Variants in FNBP4 observed in about 807,000 individuals in gnomAD.
FNBP4 encodes formin binding protein 4.
A neutral mutation model predicts 119.3 loss-of-function variants in FNBP4; 34 were observed. That is an observed-to-expected ratio of 0.28 (90% CI 0.22 to 0.38). The LOEUF is 0.38. Among genes scored for constraint, FNBP4 ranks in the 10% least tolerant of loss-of-function variants. The probability of loss-of-function intolerance (pLI) is 1.00; values close to 1 mark genes in which losing one functional copy is unlikely to be tolerated. For missense variants in FNBP4, 1,112 were observed against 1,228.9 expected (o/e 0.90, Z 1.42); for synonymous variants, 462 against 430.6 (o/e 1.07, Z -0.90).
At chr11:47,759,725 G>A (rs1279181072) in intron 2 of FNBP4, among the ~76,000 whole-genome samples, 2 of 152,026 alleles carry the variant, frequency 1.3e-5, no homozygotes, top group African/African-American at 4.8e-5. Context: ...GGCCAAGGCG[G>A]GTGGATCACC....
chr11:47,752,553 A>C (rs888044592), intron 4 of FNBP4, among the ~76,000 whole-genome samples: 1 of 152,140 alleles, frequency 6.6e-6, no homozygotes, highest in Non-Finnish European at 1.5e-5. Context: ...TCACACCTGT[A>C]ATCCTAGCAC....
intron 1 of FNBP4, among the ~76,000 whole-genome samples, chr11:47,766,743 C>A (rs547830993): frequency 6.6e-6 from 1 of 152,400 alleles, no homozygotes; most frequent in East Asian, 1.9e-4. Flanking sequence ...GGAAACTCAT[C>A]CTCACATCCA....
intron 8 of FNBP4, 44 bp downstream of exon 8, chr11:47,743,908 CT>C: frequency 6.5e-7 from 1 of 1,542,518 alleles, no homozygotes; most frequent in Non-Finnish European, 9.0e-7. Context: ...TTTCCTTCCC[CT>C]CTATATCTTT....
At chr11:47,726,307 C>T (rs1168269361) in intron 12 of FNBP4, 1 of 152,026 alleles carries the variant, frequency 6.6e-6, no homozygotes, top group African/African-American at 2.4e-5. Flanking sequence ...GCGATCATAG[C>T]TCATTCTAAC....
intron 6 of FNBP4, among the ~76,000 whole-genome samples, chr11:47,748,697 T>G (rs1450158987): frequency 2.0e-5 from 3 of 152,088 alleles, no homozygotes; most frequent in Admixed American, 1.3e-4. Flanking sequence ...TCACCCAGGC[T>G]GGAGTGCAGT....
chr11:47,717,389 C>CAAT lies in FNBP4; in HGVS notation c.*30_*32dup. 1 of 1,438,346 alleles carries CAAT rather than the reference C, an allele frequency of 7.0e-7. No homozygotes were observed. Among genetic ancestry groups the CAAT allele is most frequent in the Non-Finnish European group, 9.7e-7 (1 of 1,031,168 alleles). 89.1% of individuals were successfully genotyped at this position (1,438,346 alleles called of 1,614,324 possible). A position where few individuals can be genotyped will look rare whatever the true frequency, so the allele number is the denominator to read the frequency against. On this transcript the variant is annotated 3_prime_UTR_variant, in exon 17 of 17. Coordinates refer to ENST00000263773, the MANE Select transcript of FNBP4 (RefSeq NM_015308.5). The stretch of plus-strand genomic sequence containing the variant: ...GACTTTGAACTGAACACAAAACAAA[C>CAAT]AATAATACAAAAAAGTTTTAAAAAC...
Position 47,750,997 on chromosome 11 carries a change from T to C in FNBP4, c.825A>G (p.Thr275=), listed in dbSNP as rs1189219001. The C allele has an allele frequency of 1.9e-6, 3 of 1,614,090 alleles. No individual in the cohort carries two copies. In the Admixed American group the frequency reaches 5.0e-5, roughly 27 times the overall value. ...TCGTTTTCTCCTTAGAATATATGTC[T>C]GTATTTACCACAAAACTAGTTTCAG... ...PGAETSFVVN[T]DIYSKEKTIS... is the part of the protein sequence containing the mutation. The change falls in exon 6 of 17, where the codon ACA becomes ACG. Residue 275 remains threonine, a synonymous_variant. Coordinates refer to ENST00000263773, the MANE Select transcript of FNBP4 (RefSeq NM_015308.5).
At chr11:47,761,218 T>C (rs1399676543) in intron 2 of FNBP4, among the ~76,000 whole-genome samples, 2 of 152,070 alleles carry the variant, frequency 1.3e-5, no homozygotes, top group Admixed American at 6.6e-5. Context: ...GAAAATACAG[T>C]GTATATACTG....
At chr11:47,765,767 A>G (rs1339275934) in intron 1 of FNBP4, among the ~76,000 whole-genome samples, 1 of 151,726 alleles carries the variant, frequency 6.6e-6, no homozygotes, top group African/African-American at 2.4e-5. Context: ...AGCCTGGGCC[A>G]CAGAGGAAGA....
chr11:47,733,797 T>A (rs1030645113), intron 10 of FNBP4, among the ~76,000 whole-genome samples: 4 of 152,194 alleles, frequency 2.6e-5, no homozygotes, highest in Non-Finnish European at 4.4e-5. Flanking sequence ...CAACATTACA[T>A]GGCCTCATCT....
At chr11:47,756,618 C>T (rs2097619045) in intron 2 of FNBP4, among the ~76,000 whole-genome samples, 1 of 152,002 alleles carries the variant, frequency 6.6e-6, no homozygotes, top group Admixed American at 6.6e-5. Flanking sequence ...CATATGTATA[C>T]ATGTACTATG....
chr11:47,736,310 A>C (rs1005653800), intron 9 of FNBP4, among the ~76,000 whole-genome samples: 3 of 151,694 alleles, frequency 2.0e-5, no homozygotes, highest in Admixed American at 6.6e-5. Flanking sequence ...TAATCCCAGC[A>C]CTTTGGGAGG....
intron 12 of FNBP4, 99 bp from the exon 13 acceptor site, chr11:47,724,877 G>A: frequency 2.1e-6 from 3 of 1,448,308 alleles, no homozygotes; most frequent in Non-Finnish European, 2.7e-6. Context: ...ATCATTTATA[G>A]GAACCTAGCA....
chr11:47,743,930 G>A (rs1274672136), intron 8 of FNBP4, 23 bp downstream of exon 8: 11 of 1,605,100 alleles, frequency 6.9e-6, no homozygotes, highest in Non-Finnish European at 7.7e-6. Context: ...CAACTCTGAA[G>A]TTTAATGTGA....
chr11:47,749,399 T>C (rs556507367), intron 6 of FNBP4, among the ~76,000 whole-genome samples: 2 of 150,398 alleles, frequency 1.3e-5, no homozygotes, highest in Non-Finnish European at 3.0e-5. Flanking sequence ...TCGTCTCTAC[T>C]AAAAAAAAAT....
chr11:47,765,428 G>C (rs928097306), intron 1 of FNBP4, 66 bp from the exon 2 acceptor site: 1 of 814,864 alleles, frequency 1.2e-6, no homozygotes, highest in Non-Finnish European at 1.8e-6. Flanking sequence ...ACTGCAGTCA[G>C]ATTCCAGACC....
chr11:47,742,964 T>C (rs893110012), intron 8 of FNBP4, among the ~76,000 whole-genome samples: 1 of 147,644 alleles, frequency 6.8e-6, no homozygotes, highest in African/African-American at 2.5e-5. Flanking sequence ...TGTATTGTTG[T>C]TTTTTTTTTG....
chr11:47,738,847 A>ATTTTTTTT lies in FNBP4; in HGVS notation c.1457-2115_1457-2108dup, dbSNP rs71045510. 4.2e-3 allele frequency among the ~76,000 whole-genome samples: 462 copies of ATTTTTTTT among 110,892 alleles called. 55 individuals are homozygous for ATTTTTTTT. The highest frequency in any genetic ancestry group is 6.7e-3 in the Non-Finnish European group (349 of 52,454). The allele number at this position is 110,892 out of a possible 152,430, so 72.7% of individuals were successfully genotyped here. On this transcript the variant is annotated intron_variant, in intron 8 of 16. Coordinates refer to ENST00000263773, the MANE Select transcript of FNBP4 (RefSeq NM_015308.5). ...AGGTGTTTGCCACCATGCCCAGGTA[A>ATTTTTTTT]TTTTTTTTTTTTTTTTTTTTTTTTT... is the stretch of plus-strand genomic sequence containing the variant.
chr11:47,764,009 G>C (rs951398014), intron 2 of FNBP4, among the ~76,000 whole-genome samples: 1 of 152,204 alleles, frequency 6.6e-6, no homozygotes, highest in African/African-American at 2.4e-5. Flanking sequence ...CAGTGCAACA[G>C]TGTTGGGAGG....
Sources: allele counts gnomAD v4.1 joint callset (sites outside exome capture counted in the v4.1 genomes callset), GRCh38; gene constraint gnomAD v4.1.1; transcripts MANE v1.5; gene names NCBI Gene and HGNC (gene_info 2026-07-23, HGNC 2026-07-21).